PPARGC1A: variants seen among roughly 807,000 people sequenced by gnomAD.
The protein encoded by PPARGC1A is PPARG coactivator 1 alpha.
PPARGC1A carries 25 observed loss-of-function variants against 88.7 expected under a neutral mutation model. The observed-to-expected ratio is 0.28, with a 90% CI of 0.21 to 0.39. The LOEUF (loss-of-function observed/expected upper bound fraction) is 0.39. Ranked by LOEUF, PPARGC1A falls within the 10% of genes least tolerant of loss-of-function variation. PPARGC1A has a pLI of 1.00. For synonymous variants in PPARGC1A, 363 were observed against 355.6 expected, an observed-to-expected ratio of 1.02 and a Z score of -0.24; for missense variants, 880 against 968.7, an observed-to-expected ratio of 0.91 and a Z score of 1.22.
At chr4:24,314,200 C>A in the PPARGC1A span, among the ~76,000 whole-genome samples, 2 of 152,126 alleles carry the variant, frequency 1.3e-5, no homozygotes, top group Admixed American at 1.3e-4. Context: ...GAACTAGGAA[C>A]GGACTGAGCA....
the PPARGC1A span, among the ~76,000 whole-genome samples, chr4:24,131,827 C>T: frequency 2.5e-3 from 379 of 152,286 alleles, 5 homozygotes; most frequent in Admixed American, 0.018. Flanking sequence ...TTAGAAGGAA[C>T]CATTTTTCGT....
In PPARGC1A at chr4:23,858,191, C is replaced by A. The variant is rs2148697370; in HGVS notation, c.235-26440G>T. On this transcript the variant is annotated intron_variant, in intron 2 of 12. Transcript: ENST00000264867. ...CTTAATTCTGTCAAAATGCATACCC[C>A]CTCTATTCCAGGCACTATACAGGAC... Among the ~76,000 whole-genome samples, 4 of 152,080 alleles carry A rather than the reference C, an allele frequency of 2.6e-5. 1 individual carries two copies. The highest frequency in any genetic ancestry group is 2.6e-4 in the Admixed American group (4 of 15,264).
chr4:24,346,220 G>A, the PPARGC1A span, among the ~76,000 whole-genome samples: 43 of 152,230 alleles, frequency 2.8e-4, no homozygotes, highest in East Asian at 7.7e-3. Context: ...ATGTTCATCA[G>A]GGATATCAGT....
At chr4:24,164,587 A>G in the PPARGC1A span, among the ~76,000 whole-genome samples, 1 of 152,120 alleles carries the variant, frequency 6.6e-6, no homozygotes. Context: ...TACATATGCC[A>G]TCTTGTTGGT....
the PPARGC1A span, among the ~76,000 whole-genome samples, chr4:23,915,961 G>T: frequency 6.6e-6 from 1 of 152,304 alleles, no homozygotes; most frequent in East Asian, 1.9e-4. Context: ...CTGGGCTCTG[G>T]AGCCAAGTGG....
the PPARGC1A span, among the ~76,000 whole-genome samples, chr4:24,171,203 C>T: frequency 2.6e-5 from 4 of 152,018 alleles, no homozygotes; most frequent in Non-Finnish European, 4.4e-5. Context: ...GTCAAGGGAT[C>T]GAGACCATCC....
chr4:24,081,382 T>C, the PPARGC1A span, among the ~76,000 whole-genome samples: 102,895 of 151,948 alleles, frequency 0.68, 35,580 homozygotes, highest in African/African-American at 0.82. Flanking sequence ...TTCCTTTTCC[T>C]GTGTAAAAAA....
chr4:24,337,433 C>A, the PPARGC1A span, among the ~76,000 whole-genome samples: 9 of 152,252 alleles, frequency 5.9e-5, no homozygotes, highest in African/African-American at 1.9e-4. Flanking sequence ...CTTACATGAA[C>A]AATGGTGTGG....
chr4:23,962,244 G>A, the PPARGC1A span, among the ~76,000 whole-genome samples: 1 of 152,062 alleles, frequency 6.6e-6, no homozygotes, highest in Non-Finnish European at 1.5e-5. Flanking sequence ...AAATTCTGTT[G>A]TATATTATGG....
the PPARGC1A span, among the ~76,000 whole-genome samples, chr4:24,155,846 G>A: frequency 6.6e-6 from 1 of 152,106 alleles, no homozygotes; most frequent in Non-Finnish European, 1.5e-5. Context: ...GGTCACCCAA[G>A]TGGGCAGATG....
chr4:24,103,946 C>T, the PPARGC1A span, among the ~76,000 whole-genome samples: 3 of 152,146 alleles, frequency 2.0e-5, no homozygotes, highest in African/African-American at 4.8e-5. Context: ...CGTGGTGAAA[C>T]ATCGTGTGCA....
the PPARGC1A span, among the ~76,000 whole-genome samples, chr4:24,107,961 A>G: frequency 2.6e-4 from 40 of 152,174 alleles, 1 homozygote; most frequent in African/African-American, 9.7e-4. Context: ...TGGAAGGAAA[A>G]AATTCAATAG....
At chr4:23,837,617 A>G (rs1235767860) in intron 2 of PPARGC1A, among the ~76,000 whole-genome samples, 1 of 152,130 alleles carries the variant, frequency 6.6e-6, no homozygotes, top group Non-Finnish European at 1.5e-5. Context: ...TAATGAAGAC[A>G]AAATTAACTC....
At chr4:24,356,038 AATATAAAC>A in the PPARGC1A span, among the ~76,000 whole-genome samples, 5 of 152,000 alleles carry the variant, frequency 3.3e-5, no homozygotes, top group Non-Finnish European at 7.4e-5. Context: ...CTCTACTAAA[AATATAAAC>A]ATTAGCCAGG....
At chr4:23,824,025 C>T (rs1723464050) in intron 7 of PPARGC1A, among the ~76,000 whole-genome samples, 1 of 152,030 alleles carries the variant, frequency 6.6e-6, no homozygotes, top group South Asian at 2.1e-4. Context: ...AGTGCAAGGG[C>T]ACCATTTGCA....
At chr4:24,014,212 A>G in the PPARGC1A span, among the ~76,000 whole-genome samples, 842 of 152,302 alleles carry the variant, frequency 5.5e-3, 36 homozygotes, top group East Asian at 0.088. Context: ...GTACAGTTGC[A>G]AAAGCCCCAG....
the PPARGC1A span, among the ~76,000 whole-genome samples, chr4:24,019,585 C>T: frequency 1.3e-5 from 2 of 152,154 alleles, no homozygotes; most frequent in African/African-American, 4.8e-5. Flanking sequence ...CCACTAACTC[C>T]GTGTATCTAA....
At chr4:24,366,423 T>C in the PPARGC1A span, among the ~76,000 whole-genome samples, 2 of 152,190 alleles carry the variant, frequency 1.3e-5, no homozygotes, top group Non-Finnish European at 2.9e-5. Context: ...TGGTGACTTT[T>C]TTCCTGCTAT....
chr4:24,095,763 A>G, the PPARGC1A span, among the ~76,000 whole-genome samples: 1 of 152,160 alleles, frequency 6.6e-6, no homozygotes, highest in Non-Finnish European at 1.5e-5. Context: ...TGGCAGGTCC[A>G]ATTGTCTGGT....
Sources: gnomAD v4.1 joint callset for allele counts (sites outside exome capture counted in the v4.1 genomes callset) on GRCh38, gnomAD v4.1.1 for gene constraint, MANE v1.5 for transcripts, NCBI Gene and HGNC (gene_info 2026-07-23, HGNC 2026-07-21) for gene names.